The following PPP2R1A variants were observed in gnomAD, a reference collection of about 807,000 sequenced individuals.
PPP2R1A encodes the protein protein phosphatase 2 scaffold subunit Aalpha.
In PPP2R1A, 15 loss-of-function variants were observed where a neutral mutation model predicts 67.1. That is an observed-to-expected ratio of 0.22 (90% confidence interval 0.15 to 0.34). PPP2R1A has a LOEUF of 0.34. Among genes scored for constraint, PPP2R1A ranks in the 10% least tolerant of loss-of-function variants. The pLI is 1.00. For synonymous variants in PPP2R1A, 337 were observed against 325.0 expected (o/e 1.04, Z -0.40); for missense variants, 369 against 775.0 (o/e 0.48, Z 6.22).
chr19:52,221,921 A>T, intron 12 of PPP2R1A, 178 bp from the exon 13 acceptor site: 1 of 560,818 alleles, frequency 1.8e-6, no homozygotes, highest in East Asian at 3.2e-5. Flanking sequence ...AGAAACTGGG[A>T]CATGGTGTTA....
At chr19:52,195,018 T>C (rs1024181419) in intron 1 of PPP2R1A, among the ~76,000 whole-genome samples, 1 of 152,014 alleles carries the variant, frequency 6.6e-6, no homozygotes. Context: ...TAGACTAGGG[T>C]CAGATTGTGT....
In PPP2R1A at chr19:52,211,182, G is replaced by C. The variant is rs1012776564; in HGVS notation, c.271-78G>C. 2.9e-6 allele frequency: 4 copies of C among 1,381,864 alleles called. No individual in the cohort carries two copies. The highest frequency in any genetic ancestry group is 2.6e-4 in the Middle Eastern group (1 of 3,896). 85.6% of individuals were successfully genotyped at this position (1,381,864 alleles called of 1,614,324 possible). On this transcript the variant is annotated intron_variant, in intron 3 of 14. Coordinates refer to ENST00000322088, the MANE Select transcript of PPP2R1A (RefSeq NM_014225.6). This position sits in a 1 kb window ranked among gnomAD's most constrained non-coding sequence, Gnocchi z 5.3. ...GTTTTCTCTGAGGAGATGAGCCCAT[G>C]ATGGGGTGCAGGATGGGGCTCCAGG...
At position 52,213,879 on chromosome 19, in the gene PPP2R1A, T is replaced by A. The variant is rs947369605; in HGVS notation, c.807+769T>A. ...CTGTGACTCTCAGGACAGTGCTCCT[T>A]CCACAGGGATCCAGATTGCCTCATC... On this transcript the variant is annotated intron_variant, in intron 6 of 14. Coordinates refer to ENST00000322088, the MANE Select transcript of PPP2R1A (RefSeq NM_014225.6). The surrounding 1 kb of genome is among the most constrained non-coding windows in gnomAD (Gnocchi z 4.2). Among the ~76,000 whole-genome samples, 1 of 152,108 alleles carries A rather than the reference T, an allele frequency of 6.6e-6. No individual in the cohort carries two copies. Among genetic ancestry groups the A allele is most frequent in the African/African-American group, 2.4e-5 (1 of 41,410 alleles).
At chr19:52,195,707 G>T (rs1008913022) in intron 1 of PPP2R1A, among the ~76,000 whole-genome samples, 3 of 152,144 alleles carry the variant, frequency 2.0e-5, no homozygotes, top group Non-Finnish European at 4.4e-5. Flanking sequence ...CATTATAAAG[G>T]ATAGTATAAA....
rs574248924 is a variant in PPP2R1A at position 52,213,118 on chromosome 19, A to C, written c.807+8A>C. The C allele has an allele frequency of 1.9e-6, 3 of 1,550,790 alleles. No individual in the cohort carries two copies. The highest frequency in any genetic ancestry group is 1.7e-6 in the Non-Finnish European group (2 of 1,154,208). On this transcript the variant is annotated splice_region_variant and intron_variant, in intron 6 of 14. Coordinates refer to ENST00000322088, the MANE Select transcript of PPP2R1A (RefSeq NM_014225.6). The surrounding 1 kb of genome is among the most constrained non-coding windows in gnomAD (Gnocchi z 4.2). ...GCTGACAAGTTCACAGAGGTAGATG[A>C]GCGACCGTTGACATTGTCCCACTGG...
rs369880957 is a variant in PPP2R1A at position 52,226,056 on chromosome 19, T to G, written c.*75T>G. 6.2e-7 allele frequency: 1 copy of G among 1,608,452 alleles called. No homozygotes were observed. Among genetic ancestry groups the G allele is most frequent in the Admixed American group, 1.7e-5 (1 of 59,988 alleles). ...CACAAGTCCCTCTTTGGGGAGACAC[T>G]GGGGGGCCTTTGGCTGTCACTCCCT... On this transcript the variant is annotated 3_prime_UTR_variant, in exon 15 of 15. Transcript: ENST00000322088.
At chr19:52,225,599 C>T in intron 13 of PPP2R1A, 118 bp from the exon 14 acceptor site, 2 of 838,090 alleles carry the variant, frequency 2.4e-6, no homozygotes, top group Non-Finnish European at 3.9e-6. Flanking sequence ...CTCCTCCCAC[C>T]TTGGGTTTGG....
In PPP2R1A at chr19:52,213,668, A is replaced by G. The variant is rs1465397501; in HGVS notation, c.807+558A>G. Among the ~76,000 whole-genome samples, 6 of 151,362 alleles carry G rather than the reference A, an allele frequency of 4.0e-5. No homozygotes were observed. Among genetic ancestry groups the G allele is most frequent in the Non-Finnish European group, 7.4e-5 (5 of 67,836 alleles). On this transcript the variant is annotated intron_variant, in intron 6 of 14. Transcript: ENST00000322088. The surrounding 1 kb of genome is among the most constrained non-coding windows in gnomAD (Gnocchi z 4.2). ...CGGCTAGTTTTTGTATTTTTATTAG[A>G]GACGGGGTTTCACCATGTTGTTAGC...
intron 2 of PPP2R1A, among the ~76,000 whole-genome samples, chr19:52,202,442 T>G (rs570750092): frequency 5.9e-5 from 9 of 152,342 alleles, no homozygotes; most frequent in South Asian, 4.1e-4. Flanking sequence ...CCAGGTGGTG[T>G]TCTACACCGT....
intron 1 of PPP2R1A, chr19:52,201,328 CAAAG>C (rs1568587773): frequency 6.6e-6 from 1 of 152,108 alleles, no homozygotes; most frequent in Non-Finnish European, 1.5e-5. Context: ...CTCTTTGAGA[CAAAG>C]AGTCTCACTC....
In PPP2R1A at chr19:52,208,674, AT is replaced by A. The variant is rs1429648609; in HGVS notation, c.271-2580del. ...ATCACCATGCCTGGCTAATTTTTGT[AT>A]TTTTTGTAGAGACAGGGTTTCACCA... On this transcript the variant is annotated intron_variant, in intron 3 of 14. Coordinates refer to ENST00000322088, the MANE Select transcript of PPP2R1A (RefSeq NM_014225.6). 2.0e-5 allele frequency among the ~76,000 whole-genome samples: 3 copies of A among 151,654 alleles called. No individual in the cohort carries two copies. The East Asian group carries it at 5.8e-4, about 30-fold the overall frequency.
Position 52,229,203 on chromosome 19 carries a change from GA to G in PPP2R1A, c.*3223del, listed in dbSNP as rs1979430278. The G allele has an allele frequency of 1.3e-5, 2 of 152,388 alleles. No individual in the cohort carries two copies. 9.4% of individuals were successfully genotyped at this position (152,388 alleles called of 1,614,324 possible). A position where few individuals can be genotyped will look rare whatever the true frequency, so the allele number is the denominator to read the frequency against. On this transcript the variant is annotated 3_prime_UTR_variant, in exon 15 of 15. Coordinates refer to ENST00000322088, the MANE Select transcript of PPP2R1A (RefSeq NM_014225.6). ...CGCACCTGTAATCCCAGCGCTTTGG[GA>G]GGCCGAGGTGGGCGGATCACCTGAG...
chr19:52,220,136 C>G (rs1379112683), intron 10 of PPP2R1A, 53 bp from the exon 11 acceptor site: 1 of 1,575,542 alleles, frequency 6.3e-7, no homozygotes, highest in Non-Finnish European at 8.7e-7. Context: ...TAGCAGCTCC[C>G]CCTGTTTGCT....
At chr19:52,190,478 G>C (rs1317083141) in intron 1 of PPP2R1A, among the ~76,000 whole-genome samples, 1 of 152,244 alleles carries the variant, frequency 6.6e-6, no homozygotes, top group Admixed American at 6.5e-5. Flanking sequence ...GGGTCTGGGA[G>C]AGAGGAGGAC....
rs887917198 is a variant in PPP2R1A at position 52,227,792 on chromosome 19, G to C, written c.*1811G>C. ...CTCCCAGTTGAGAACTACTGCTCTA[G>C]AAATGTGAACACACGTGTAACCAAA... On this transcript the variant is annotated 3_prime_UTR_variant, in exon 15 of 15. Transcript: ENST00000322088. The C allele has an allele frequency of 4.6e-5, 7 of 152,170 alleles. No individual in the cohort carries two copies. Among genetic ancestry groups the C allele is most frequent in the African/African-American group, 1.7e-4 (7 of 41,428 alleles). 9.4% of individuals were successfully genotyped at this position (152,170 alleles called of 1,614,324 possible). A position where few individuals can be genotyped will look rare whatever the true frequency, so the allele number is the denominator to read the frequency against.
Position 52,219,964 on chromosome 19 carries a change from G to C in PPP2R1A, c.1302+100G>C, listed in dbSNP as rs1056920926. 7.0e-7 allele frequency: 1 copy of C among 1,431,800 alleles called. No homozygotes were observed. Among genetic ancestry groups the C allele is most frequent in the African/African-American group, 1.4e-5 (1 of 70,504 alleles). The allele number at this position is 1,431,800 out of a possible 1,614,324, so 88.7% of individuals were successfully genotyped here. ...AACGGGGCTTTGAAGGCTTAGTGGAGGCTGTGACAACTGCCTGGGGAGTCG... is the reference window on the plus strand; with the variant it reads ...AACGGGGCTTTGAAGGCTTAGTGGACGCTGTGACAACTGCCTGGGGAGTCG... On this transcript the variant is annotated intron_variant, in intron 10 of 14. Transcript: ENST00000322088. The surrounding 1 kb of genome is among the most constrained non-coding windows in gnomAD (Gnocchi z 4.0).
intron 11 of PPP2R1A, 121 bp from the exon 12 acceptor site, chr19:52,220,858 C>A: frequency 8.4e-7 from 1 of 1,195,748 alleles, no homozygotes; most frequent in Non-Finnish European, 1.2e-6. Flanking sequence ...CTCTCTTTGG[C>A]TCACATGCAG....
At chr19:52,194,399 G>A (rs1311263160) in intron 1 of PPP2R1A, among the ~76,000 whole-genome samples, 7 of 152,202 alleles carry the variant, frequency 4.6e-5, no homozygotes, top group Non-Finnish European at 7.3e-5. Flanking sequence ...GATCAAGTGA[G>A]GCCTGTGGGC....
chr19:52,224,877 T>G (rs933238511), intron 13 of PPP2R1A, among the ~76,000 whole-genome samples: 1 of 151,936 alleles, frequency 6.6e-6, no homozygotes, highest in African/African-American at 2.4e-5. Flanking sequence ...TTTTTGTACT[T>G]TGAGTAGAGA....
Sources: allele counts gnomAD v4.1 joint callset (sites outside exome capture counted in the v4.1 genomes callset), GRCh38; gene constraint gnomAD v4.1.1; non-coding constraint Gnocchi (gnomAD v3.1); transcripts MANE v1.5; gene names NCBI Gene and HGNC (gene_info 2026-07-23, HGNC 2026-07-21).